Variants in NPAS3 observed in about 807,000 individuals in gnomAD.
NPAS3 encodes neuronal PAS domain-containing protein 3.
Under a neutral mutation model 73.1 loss-of-function variants are expected in NPAS3, and 14 were observed. The ratio of observed to expected loss-of-function variants is 0.19; its 90% CI spans 0.13 to 0.30. NPAS3 has a LOEUF of 0.30. Ranked by LOEUF, NPAS3 falls within the 10% of genes least tolerant of loss-of-function variation. The pLI, the probability that NPAS3 is intolerant of heterozygous loss-of-function variation, is 1.00. For synonymous variants in NPAS3, 620 were observed against 541.5 expected, an observed-to-expected ratio of 1.14 and a Z score of -2.01; for missense variants, 1,096 against 1,250.0, an observed-to-expected ratio of 0.88 and a Z score of 1.86.
intron 6 of NPAS3, among the ~76,000 whole-genome samples, chr14:33,700,674 A>G (rs1453232077): frequency 6.6e-6 from 1 of 152,218 alleles, no homozygotes; most frequent in Non-Finnish European, 1.5e-5. Context: ...AGCTTATCCT[A>G]TAGCAGTGAG....
chr14:33,288,749 G>T (rs2041978848), intron 3 of NPAS3, among the ~76,000 whole-genome samples: 1 of 152,026 alleles, frequency 6.6e-6, no homozygotes, highest in Non-Finnish European at 1.5e-5. Context: ...CAAACTATCT[G>T]CTTATTACAT....
chr14:33,430,915 G>A (rs1425544870), intron 4 of NPAS3, among the ~76,000 whole-genome samples: 3 of 152,186 alleles, frequency 2.0e-5, no homozygotes, highest in Admixed American at 1.3e-4. Flanking sequence ...AGTGTCATTT[G>A]CCAAAGTCTG....
chr14:33,168,436 G>T (rs1183670496), intron 2 of NPAS3, among the ~76,000 whole-genome samples: 5 of 152,154 alleles, frequency 3.3e-5, no homozygotes, highest in African/African-American at 1.2e-4. Context: ...AACCAAAGCT[G>T]TGAGAAGCAT....
chr14:33,657,681 G>A (rs2059184490), intron 5 of NPAS3, among the ~76,000 whole-genome samples: 1 of 152,162 alleles, frequency 6.6e-6, no homozygotes, highest in Non-Finnish European at 1.5e-5. Flanking sequence ...AGACCCGGTT[G>A]CTGGTGACTC....
At chr14:33,623,378 A>G (rs2058133603) in intron 5 of NPAS3, among the ~76,000 whole-genome samples, 1 of 152,196 alleles carries the variant, frequency 6.6e-6, no homozygotes, top group Admixed American at 6.5e-5. Flanking sequence ...AGGCCAAAAT[A>G]ACACTGGAGG....
chr14:33,367,655 ATT>A (rs367639255), intron 4 of NPAS3, among the ~76,000 whole-genome samples: 1 of 146,978 alleles, frequency 6.8e-6, no homozygotes, highest in Non-Finnish European at 1.5e-5. Context: ...AAGTACTGTG[ATT>A]TTTTTTTTTT....
chr14:33,177,108 T>TCA (rs1214926121), intron 2 of NPAS3, among the ~76,000 whole-genome samples: 2 of 146,806 alleles, frequency 1.4e-5, no homozygotes, highest in African/African-American at 5.0e-5. Context: ...ATTATTATTA[T>TCA]TATCTTTGAG....
chr14:33,378,168 G>A (rs1665429772), intron 4 of NPAS3, among the ~76,000 whole-genome samples: 2 of 152,146 alleles, frequency 1.3e-5, no homozygotes, highest in South Asian at 2.1e-4. Context: ...GTTAGAATTA[G>A]ATGAGATACT....
chr14:33,631,867 A>G (rs2140139770), intron 5 of NPAS3, among the ~76,000 whole-genome samples: 1 of 152,330 alleles, frequency 6.6e-6, no homozygotes, highest in East Asian at 1.9e-4. Context: ...GCAGCAGGAT[A>G]CATTTGCGTT....
intron 6 of NPAS3, among the ~76,000 whole-genome samples, chr14:33,680,095 G>C (rs995835427): frequency 6.6e-6 from 1 of 152,096 alleles, no homozygotes; most frequent in African/African-American, 2.4e-5. Context: ...CTGACCAATG[G>C]CATTTGGAGG....
intron 3 of NPAS3, among the ~76,000 whole-genome samples, chr14:33,299,720 G>GA (rs548801350): frequency 2.0e-5 from 3 of 151,814 alleles, no homozygotes; most frequent in South Asian, 4.2e-4. Flanking sequence ...AGGAAAGGGG[G>GA]AAAAAAAGCA....
intron 5 of NPAS3, among the ~76,000 whole-genome samples, chr14:33,654,395 G>T (rs1022764339): frequency 5.9e-5 from 9 of 152,124 alleles, no homozygotes; most frequent in Non-Finnish European, 1.3e-4. Flanking sequence ...GTTCTGATTT[G>T]CCAGTGTTAA....
At chr14:33,063,008 T>C (rs747082324) in intron 2 of NPAS3, among the ~76,000 whole-genome samples, 7 of 152,198 alleles carry the variant, frequency 4.6e-5, no homozygotes, top group Non-Finnish European at 8.8e-5. Flanking sequence ...CAGTAATGTT[T>C]AGTCATTGCT....
At chr14:33,729,487 T>C (rs904384456) in intron 6 of NPAS3, among the ~76,000 whole-genome samples, 5 of 152,172 alleles carry the variant, frequency 3.3e-5, no homozygotes, top group African/African-American at 1.2e-4. Context: ...CTGATCTGTG[T>C]AGCTCTGGCT....
Position 33,146,275 on chromosome 14 carries a change from A to G in NPAS3, c.141-68907A>G, listed in dbSNP as rs182289177. Among the ~76,000 whole-genome samples the G allele has an allele frequency of 2.2e-4, 33 of 152,292 alleles. 1 individual carries two copies. The East Asian group carries it at 6.2e-3, about 29-fold the overall frequency. On this transcript the variant is annotated intron_variant, in intron 2 of 11. Coordinates refer to ENST00000356141, the Ensembl canonical transcript of NPAS3. ...AAAGTGGGGGAAGCATGAGCTTCAG[A>G]GTGTTATCCAGACAAGGGTTTGCGT...
At chr14:33,772,511 C>A (rs2062687704) in intron 7 of NPAS3, among the ~76,000 whole-genome samples, 1 of 152,186 alleles carries the variant, frequency 6.6e-6, no homozygotes, top group African/African-American at 2.4e-5. Context: ...AATAGAATAC[C>A]AAGTGGGGAT....
intron 4 of NPAS3, among the ~76,000 whole-genome samples, chr14:33,392,834 T>C (rs544541561): frequency 1.6e-4 from 24 of 152,224 alleles, no homozygotes; most frequent in Non-Finnish European, 3.4e-4. Context: ...TCCTCCAGTG[T>C]TTTTTCTTCC....
At chr14:33,329,772 A>G (rs960021174) in intron 3 of NPAS3, among the ~76,000 whole-genome samples, 1 of 152,034 alleles carries the variant, frequency 6.6e-6, no homozygotes, top group African/African-American at 2.4e-5. Flanking sequence ...TTTAGTAAGT[A>G]AGCCCTTTTC....
intron 1 of NPAS3, among the ~76,000 whole-genome samples, chr14:33,028,515 C>T (rs537130786): frequency 6.6e-6 from 1 of 152,294 alleles, no homozygotes; most frequent in East Asian, 1.9e-4. Context: ...TTTTTCTTTT[C>T]ATGCTGGAGT....
Sources: allele counts gnomAD v4.1 joint callset (sites outside exome capture counted in the v4.1 genomes callset), GRCh38; gene constraint gnomAD v4.1.1; transcripts MANE v1.5; gene names NCBI Gene and HGNC (gene_info 2026-07-23, HGNC 2026-07-21).